FBRSL1: variants seen among roughly 807,000 people sequenced by gnomAD.
The protein encoded by FBRSL1 is fibrosin like 1, also known as fibrosin-1-like protein.
In FBRSL1, 51 loss-of-function variants were observed where a neutral mutation model predicts 89.6. That is an observed-to-expected ratio of 0.57 (90% CI 0.45 to 0.72). FBRSL1 has a LOEUF of 0.72. FBRSL1 is among the 30% of genes least tolerant of loss of function. FBRSL1 has a pLI of 0.00. For synonymous variants in FBRSL1, 779 were observed against 681.1 expected, an observed-to-expected ratio of 1.14 and a Z score of -2.24; for missense variants, 1,618 against 1,451.8, an observed-to-expected ratio of 1.11 and a Z score of -1.86.
chr12:132,501,761 G>A (rs2032996510), intron 1 of FBRSL1, among the ~76,000 whole-genome samples: 1 of 152,100 alleles, frequency 6.6e-6, no homozygotes, highest in Non-Finnish European at 1.5e-5. Context: ...TCCCAGCAGC[G>A]CTGGCCACAC....
chr12:132,541,030 G>C (rs1306936192), intron 4 of FBRSL1, among the ~76,000 whole-genome samples: 3 of 151,126 alleles, frequency 2.0e-5, no homozygotes, highest in Admixed American at 6.6e-5. Context: ...TGAGCCTGGG[G>C]GGCAGAGCCC....
chr12:132,578,452 G>A (rs2040528087), intron 15 of FBRSL1, among the ~76,000 whole-genome samples: 2 of 152,038 alleles, frequency 1.3e-5, no homozygotes, highest in African/African-American at 4.8e-5. Context: ...ACACGGAGTG[G>A]GCTGAGGAGG....
At chr12:132,492,126 T>C (rs1029620295) in intron 1 of FBRSL1, among the ~76,000 whole-genome samples, 1 of 152,208 alleles carries the variant, frequency 6.6e-6, no homozygotes. Context: ...GGCCCTGCGC[T>C]CGGCTCCTGC....
chr12:132,556,447 G>C (rs1333925792), intron 5 of FBRSL1, among the ~76,000 whole-genome samples: 2 of 151,484 alleles, frequency 1.3e-5, no homozygotes, highest in African/African-American at 4.9e-5. Flanking sequence ...TGCTGGGTGC[G>C]TCTGAGTGTT....
intron 2 of FBRSL1, among the ~76,000 whole-genome samples, chr12:132,518,591 C>T: frequency 6.6e-6 from 1 of 151,144 alleles, no homozygotes; most frequent in African/African-American, 2.4e-5. Flanking sequence ...TCCATCCACC[C>T]ATCTGTCCAT....
chr12:132,509,148 G>A (rs2034038435), intron 2 of FBRSL1: 10 of 1,171,536 alleles, frequency 8.5e-6, no homozygotes, highest in Non-Finnish European at 9.6e-6. Flanking sequence ...GTGGACACGT[G>A]CTCTTTCTTC....
At chr12:132,579,315 C>T (rs2040590276) in intron 15 of FBRSL1, among the ~76,000 whole-genome samples, 1 of 152,214 alleles carries the variant, frequency 6.6e-6, no homozygotes, top group African/African-American at 2.4e-5. Context: ...ATTCGTACGT[C>T]ATCTCCGGTA....
intron 3 of FBRSL1, 46 bp from the exon 4 acceptor site, chr12:132,527,907 G>T (rs1052605548): frequency 1.3e-6 from 2 of 1,547,188 alleles, no homozygotes; most frequent in African/African-American, 2.7e-5. Flanking sequence ...CTGGGAGTTT[G>T]TTCCGAGTGG....
chr12:132,532,031 C>T (rs565267388), intron 4 of FBRSL1, among the ~76,000 whole-genome samples: 17 of 152,236 alleles, frequency 1.1e-4, no homozygotes, highest in Non-Finnish European at 2.2e-4. Flanking sequence ...GCTAGTGGAT[C>T]GATTAGACAG....
At chr12:132,542,803 C>G (rs1361648369) in intron 4 of FBRSL1, among the ~76,000 whole-genome samples, 3 of 152,244 alleles carry the variant, frequency 2.0e-5, no homozygotes, top group Non-Finnish European at 4.4e-5. Context: ...ATTTTTCATG[C>G]CTTTGTTTGA....
intron 1 of FBRSL1, among the ~76,000 whole-genome samples, chr12:132,500,010 G>T (rs1286279427): frequency 6.6e-6 from 1 of 152,116 alleles, no homozygotes; most frequent in Admixed American, 6.5e-5. Flanking sequence ...AGGTGTGAAG[G>T]TCTCCACGCC....
Position 132,572,285 on chromosome 12 carries a change from C to T in FBRSL1, c.1378-3C>T, listed in dbSNP as rs1235030696. ...GCCTCACCCTCCTCTCCTTCCCTTCCAGTTTGACAAGTATGCGCCCAAGCT... is the reference window on the plus strand; with the variant it reads ...GCCTCACCCTCCTCTCCTTCCCTTCTAGTTTGACAAGTATGCGCCCAAGCT... On this transcript the variant is annotated splice_region_variant and splice_polypyrimidine_tract_variant and intron_variant, in intron 9 of 18. Transcript: ENST00000680143. 2.6e-6 allele frequency: 4 copies of T among 1,550,876 alleles called. No homozygotes were observed. In the African/African-American group the frequency reaches 5.5e-5, roughly 21 times the overall value.
intron 2 of FBRSL1, among the ~76,000 whole-genome samples, chr12:132,521,459 T>C (rs1413723741): frequency 2.0e-5 from 3 of 152,192 alleles, no homozygotes; most frequent in African/African-American, 4.8e-5. Flanking sequence ...GCCTGGCAGG[T>C]CTGAGGAAGC....
chr12:132,564,876 G>C (rs1004800895), intron 5 of FBRSL1, among the ~76,000 whole-genome samples: 1 of 151,994 alleles, frequency 6.6e-6, no homozygotes, highest in East Asian at 1.9e-4. Flanking sequence ...TGATCCGCCG[G>C]CCTCGGCCTC....
chr12:132,538,060 C>T (rs1040097232), intron 4 of FBRSL1, among the ~76,000 whole-genome samples: 3 of 152,178 alleles, frequency 2.0e-5, no homozygotes, highest in Non-Finnish European at 4.4e-5. Context: ...CGGGCTCACC[C>T]AGATCCCTGG....
At chr12:132,533,885 G>A (rs1379576594) in intron 4 of FBRSL1, among the ~76,000 whole-genome samples, 4 of 152,220 alleles carry the variant, frequency 2.6e-5, no homozygotes, top group African/African-American at 9.6e-5. Flanking sequence ...GGTGGCCGGG[G>A]TCAGGGCAGC....
chr12:132,518,432 C>A (rs938365798), intron 2 of FBRSL1, among the ~76,000 whole-genome samples: 8 of 151,866 alleles, frequency 5.3e-5, no homozygotes, highest in African/African-American at 1.9e-4. Flanking sequence ...ATCATCCACC[C>A]GTCTGTAGTG....
At position 132,572,457 on chromosome 12, in the gene FBRSL1, C is replaced by G. The variant is rs899110927; in HGVS notation, c.1435-70C>G. 2.7e-5 allele frequency: 41 copies of G among 1,498,398 alleles called. No individual in the cohort carries two copies. In the African/African-American group the frequency reaches 5.4e-4, roughly 20 times the overall value. 92.8% of individuals were successfully genotyped at this position (1,498,398 alleles called of 1,614,324 possible). On this transcript the variant is annotated intron_variant, in intron 10 of 18. Transcript: ENST00000680143. ...CTCGCCCCTGCTGCATTGGTGCCAC[C>G]TTCTGGTTACAGGCAGAGGGTGGGG...
At chr12:132,500,619 G>C (rs1566099769) in intron 1 of FBRSL1, among the ~76,000 whole-genome samples, 1 of 152,098 alleles carries the variant, frequency 6.6e-6, no homozygotes, top group Admixed American at 6.5e-5. Flanking sequence ...ACCTCATCCA[G>C]CTGCTGTCCT....
Sources: allele counts gnomAD v4.1 joint callset (sites outside exome capture counted in the v4.1 genomes callset), GRCh38; gene constraint gnomAD v4.1.1; transcripts MANE v1.5; gene names NCBI Gene and HGNC (gene_info 2026-07-23, HGNC 2026-07-21).